The following NOVA1 variants were observed in gnomAD, a reference collection of about 807,000 sequenced individuals.
NOVA1 encodes RNA-binding protein Nova-1.
A neutral mutation model predicts 38.0 loss-of-function variants in NOVA1; 7 were observed. The observed-to-expected ratio is 0.18, with a 90% confidence interval of 0.10 to 0.35. The LOEUF is 0.35. NOVA1 is among the 10% of genes least tolerant of loss of function. The probability of loss-of-function intolerance (pLI) is 1.00; values close to 1 mark genes in which losing one functional copy is unlikely to be tolerated. For missense variants in NOVA1, 460 were observed against 616.0 expected (o/e 0.75, Z 2.68); for synonymous variants, 270 against 232.5 (o/e 1.16, Z -1.47).
chr14:26,597,199 G>C, intron 1 of NOVA1, 102 bp downstream of exon 1: 1 of 1,146,606 alleles, frequency 8.7e-7, no homozygotes, highest in Non-Finnish European at 1.1e-6. Flanking sequence ...TGTCCGGGCC[G>C]CGGGAGGGAG....
chr14:26,486,696 CA>C (rs59078775), intron 2 of NOVA1, among the ~76,000 whole-genome samples: 418 of 23,050 alleles, frequency 0.018, no homozygotes, highest in African/African-American at 0.065. Context: ...GTGACAGACT[CA>C]AAAAAAAAAA....
intron 2 of NOVA1, among the ~76,000 whole-genome samples, chr14:26,589,588 TATA>T (rs1230509254): frequency 2.0e-5 from 3 of 151,818 alleles, no homozygotes; most frequent in African/African-American, 7.2e-5. Context: ...ACTTAAATTT[TATA>T]ATGTTTTAAC....
In NOVA1 at chr14:26,443,328, T is replaced by C. The variant is rs1881829362; in HGVS notation, c.*4631A>G. On this transcript the variant is annotated 3_prime_UTR_variant, in exon 5 of 5. Coordinates refer to ENST00000539517, the MANE Select transcript of NOVA1 (RefSeq NM_002515.3). Reference sequence around the variant, plus strand: ...ATTCGGCACATACACGTTAAATATTTTTCCTTAAAAAAATAATCTAATCAA... The same window carrying C: ...ATTCGGCACATACACGTTAAATATTCTTCCTTAAAAAAATAATCTAATCAA... The C allele has an allele frequency of 6.6e-6, 1 of 151,970 alleles. No homozygotes were observed. Among genetic ancestry groups the C allele is most frequent in the Non-Finnish European group, 1.5e-5 (1 of 67,894 alleles). 9.4% of individuals were successfully genotyped at this position (151,970 alleles called of 1,614,324 possible).
intron 2 of NOVA1, among the ~76,000 whole-genome samples, chr14:26,574,278 C>G (rs572039350): frequency 4.2e-5 from 4 of 95,936 alleles, no homozygotes; most frequent in South Asian, 4.7e-4. Context: ...CCCCCCCCCC[C>G]CCGCCCCCTC....
rs763190319 is a variant in NOVA1, at chr14:26,591,564, T to C, written c.280+3846A>G. ...TTTTAGAAGCTGTAAGAGATTCACA[T>C]TCATATGTACTACCAATATCATAAT... is the stretch of plus-strand genomic sequence containing the variant. On this transcript the variant is annotated intron_variant, in intron 2 of 4. Transcript: ENST00000539517. Among the ~76,000 whole-genome samples the C allele has an allele frequency of 5.3e-5, 8 of 151,752 alleles. 1 individual carries two copies. The highest frequency in any genetic ancestry group is 3.3e-4 in the Admixed American group (5 of 15,226).
At chr14:26,524,052 A>G (rs1594462622) in intron 2 of NOVA1, among the ~76,000 whole-genome samples, 1 of 152,102 alleles carries the variant, frequency 6.6e-6, no homozygotes, top group Non-Finnish European at 1.5e-5. Context: ...CGCCTGGCCC[A>G]CTTGAAGATT....
intron 2 of NOVA1, among the ~76,000 whole-genome samples, chr14:26,554,751 A>T (rs1306503644): frequency 6.6e-6 from 1 of 152,188 alleles, no homozygotes; most frequent in Non-Finnish European, 1.5e-5. Context: ...AGTGATTTTG[A>T]CTATTCATTT....
At chr14:26,562,369 C>A (rs1270937132) in intron 2 of NOVA1, among the ~76,000 whole-genome samples, 1 of 152,084 alleles carries the variant, frequency 6.6e-6, no homozygotes, top group African/African-American at 2.4e-5. Context: ...AAAATCTATA[C>A]AAAAGCACTT....
intron 2 of NOVA1, among the ~76,000 whole-genome samples, chr14:26,567,920 T>G (rs1892232179): frequency 6.6e-6 from 1 of 152,212 alleles, no homozygotes; most frequent in African/African-American, 2.4e-5. Context: ...TACAGTCATT[T>G]CTGCCTGTAT....
At chr14:26,570,460 A>G (rs946736346) in intron 2 of NOVA1, among the ~76,000 whole-genome samples, 1 of 152,154 alleles carries the variant, frequency 6.6e-6, no homozygotes, top group Non-Finnish European at 1.5e-5. Flanking sequence ...AAATCCCATC[A>G]ATGGCAAAAT....
intron 2 of NOVA1, among the ~76,000 whole-genome samples, chr14:26,502,007 G>A (rs1277484743): frequency 6.6e-6 from 1 of 151,908 alleles, no homozygotes; most frequent in Non-Finnish European, 1.5e-5. Flanking sequence ...TAAACAAAAT[G>A]AGAAATTTAA....
At chr14:26,578,583 G>A (rs1373264963) in intron 2 of NOVA1, among the ~76,000 whole-genome samples, 1 of 152,132 alleles carries the variant, frequency 6.6e-6, no homozygotes, top group Admixed American at 6.5e-5. Context: ...ACTTAGGTAG[G>A]TAGATCTGGT....
intron 2 of NOVA1, among the ~76,000 whole-genome samples, chr14:26,526,320 C>A (rs1352701800): frequency 6.6e-6 from 1 of 152,052 alleles, no homozygotes; most frequent in East Asian, 1.9e-4. Flanking sequence ...AAAAGTCTTA[C>A]AAATTTGGAT....
intron 4 of NOVA1, among the ~76,000 whole-genome samples, chr14:26,462,547 TA>T (rs1222279481): frequency 6.6e-6 from 1 of 152,212 alleles, no homozygotes; most frequent in African/African-American, 2.4e-5. Flanking sequence ...GTAATTTTGA[TA>T]TAAAGCTAGA....
At chr14:26,455,636 AT>A (rs2138584844) in intron 4 of NOVA1, among the ~76,000 whole-genome samples, 1 of 152,132 alleles carries the variant, frequency 6.6e-6, no homozygotes, top group South Asian at 2.1e-4. Context: ...CTGAAACATT[AT>A]TCAAAATTTA....
chr14:26,554,136 A>AAAAAAGAAAGAAAAGGAAG (rs1470627444), intron 2 of NOVA1, among the ~76,000 whole-genome samples: 29 of 151,282 alleles, frequency 1.9e-4, no homozygotes, highest in South Asian at 8.4e-4. Flanking sequence ...GTGAAAAAAA[A>AAAAAAGAAAGAAAAGGAAG]AAAAAGAAAG....
intron 2 of NOVA1, among the ~76,000 whole-genome samples, chr14:26,511,569 T>C (rs1303215152): frequency 6.6e-6 from 1 of 151,892 alleles, no homozygotes; most frequent in Non-Finnish European, 1.5e-5. Flanking sequence ...CTGGCCAACA[T>C]GGTGAAACCC....
chr14:26,451,742 C>T (rs1045872803), intron 4 of NOVA1, among the ~76,000 whole-genome samples: 2 of 152,034 alleles, frequency 1.3e-5, no homozygotes, highest in Non-Finnish European at 2.9e-5. Flanking sequence ...CCAAAAATAT[C>T]CATATTTTTG....
intron 2 of NOVA1, among the ~76,000 whole-genome samples, chr14:26,594,731 T>C (rs1323807744): frequency 6.6e-6 from 1 of 151,550 alleles, no homozygotes; most frequent in Non-Finnish European, 1.5e-5. Flanking sequence ...AACAAAAAAT[T>C]TATACCACCA....
Sources: gnomAD v4.1 joint callset for allele counts (sites outside exome capture counted in the v4.1 genomes callset) on GRCh38, gnomAD v4.1.1 for gene constraint, MANE v1.5 for transcripts, NCBI Gene and HGNC (gene_info 2026-07-23, HGNC 2026-07-21) for gene names.